ARHGEF12: variants seen among roughly 807,000 people sequenced by gnomAD.
ARHGEF12 encodes KMT2A/ARHGEF12 fusion protein.
In ARHGEF12, 66 loss-of-function variants were observed where a neutral mutation model predicts 211.2. The observed-to-expected ratio is 0.31, with a 90% CI of 0.26 to 0.38. ARHGEF12 has a LOEUF of 0.38. Among genes scored for constraint, ARHGEF12 ranks in the 10% least tolerant of loss-of-function variants. The probability of loss-of-function intolerance (pLI) is 1.00; values close to 1 mark genes in which losing one functional copy is unlikely to be tolerated. For missense variants in ARHGEF12, 1,429 were observed against 1,869.5 expected, an observed-to-expected ratio of 0.76 and a Z score of 4.34; for synonymous variants, 592 against 638.4, an observed-to-expected ratio of 0.93 and a Z score of 1.09.
intron 1 of ARHGEF12, among the ~76,000 whole-genome samples, chr11:120,343,482 C>T (rs759156191): frequency 6.6e-6 from 1 of 152,194 alleles, no homozygotes; most frequent in Non-Finnish European, 1.5e-5. Flanking sequence ...GCCTAAATTG[C>T]ATGAGTATAT....
At chr11:120,473,912 C>T (rs954551451) in intron 31 of ARHGEF12, among the ~76,000 whole-genome samples, 10 of 152,162 alleles carry the variant, frequency 6.6e-5, no homozygotes, top group African/African-American at 2.4e-4. Context: ...TACCATTTCA[C>T]TAGGTGGTGG....
intron 1 of ARHGEF12, among the ~76,000 whole-genome samples, chr11:120,358,798 A>G (rs1446900571): frequency 6.6e-6 from 1 of 152,202 alleles, no homozygotes; most frequent in Non-Finnish European, 1.5e-5. Flanking sequence ...ATCAACGCAT[A>G]GTTTACTAAG....
chr11:120,396,018 C>A (rs902815996), intron 1 of ARHGEF12, among the ~76,000 whole-genome samples: 1 of 152,052 alleles, frequency 6.6e-6, no homozygotes, highest in Admixed American at 6.6e-5. Context: ...AATAAAATAG[C>A]TCCTTGGAGA....
intron 1 of ARHGEF12, among the ~76,000 whole-genome samples, chr11:120,391,601 G>A (rs1944219108): frequency 6.6e-6 from 1 of 152,160 alleles, no homozygotes; most frequent in Non-Finnish European, 1.5e-5. Context: ...GTTAGAACAA[G>A]GCTGAAACAC....
At chr11:120,426,800 T>G (rs937448286) in intron 7 of ARHGEF12, among the ~76,000 whole-genome samples, 3 of 152,198 alleles carry the variant, frequency 2.0e-5, no homozygotes, top group Non-Finnish European at 4.4e-5. Flanking sequence ...CATTTAAAAG[T>G]TCTATTGAAA....
chr11:120,348,031 C>A (rs769390543), intron 1 of ARHGEF12, among the ~76,000 whole-genome samples: 7 of 152,152 alleles, frequency 4.6e-5, no homozygotes, highest in Non-Finnish European at 8.8e-5. Context: ...TGTACAGAGA[C>A]ACTTATATTA....
chr11:120,459,425 T>C, intron 26 of ARHGEF12, 105 bp downstream of exon 26: 1 of 1,187,064 alleles, frequency 8.4e-7, no homozygotes, highest in South Asian at 1.6e-5. Flanking sequence ...CCTGAGATTA[T>C]GTGTGAGAAT....
intron 27 of ARHGEF12, chr11:120,465,020 AAAG>A (rs199937161): frequency 0.021 from 11,475 of 559,106 alleles, 139 homozygotes; most frequent in Non-Finnish European, 0.026. Flanking sequence ...AAGAAAAAAA[AAAG>A]AAGAAGAAAA....
chr11:120,477,366 G>A lies in ARHGEF12; in HGVS notation c.3452+61G>A, dbSNP rs1947070237. On this transcript the variant is annotated intron_variant, in intron 35 of 40. Transcript: ENST00000397843. ...TATGTTTTGGGTTGGAAAAGACTAG[G>A]ATAATTATTATGTTTTGTTGCGATG... 4.8e-5 allele frequency: 77 copies of A among 1,599,960 alleles called. 3 individuals carry two copies. In the South Asian group the frequency reaches 8.3e-4, roughly 17 times the overall value.
At chr11:120,429,323 A>T in intron 8 of ARHGEF12, 117 bp from the exon 9 acceptor site, 4 of 713,750 alleles carry the variant, frequency 5.6e-6, no homozygotes, top group Non-Finnish European at 9.2e-6. Context: ...TAAAAACCTA[A>T]TAGGTATTGA....
intron 1 of ARHGEF12, among the ~76,000 whole-genome samples, chr11:120,378,625 G>A (rs959793017): frequency 6.6e-6 from 1 of 152,052 alleles, no homozygotes; most frequent in South Asian, 2.1e-4. Context: ...TTATGTTTAG[G>A]CCTATGATTC....
intron 1 of ARHGEF12, among the ~76,000 whole-genome samples, chr11:120,388,544 G>C (rs994904750): frequency 5.9e-5 from 9 of 152,190 alleles, no homozygotes; most frequent in African/African-American, 1.9e-4. Context: ...GAAATTGCCA[G>C]ACTGTTTTTC....
chr11:120,476,774 C>T (rs766679454), intron 34 of ARHGEF12, 26 bp downstream of exon 34: 1 of 1,520,304 alleles, frequency 6.6e-7, no homozygotes, highest in Non-Finnish European at 9.0e-7. Context: ...GGCTACCTTG[C>T]TATAGCTAAT....
At chr11:120,476,476 T>C (rs1298217186) in intron 33 of ARHGEF12, 185 bp from the exon 34 acceptor site, 5 of 439,262 alleles carry the variant, frequency 1.1e-5, no homozygotes. Flanking sequence ...ACAATAAATA[T>C]AGTACAATAA....
Position 120,486,302 on chromosome 11 carries a change from G to A in ARHGEF12, c.*1225G>A, listed in dbSNP as rs1200535429. 17 of 233,144 alleles carry A rather than the reference G, an allele frequency of 7.3e-5. 1 individual carries two copies. In the East Asian group the frequency reaches 9.7e-4, roughly 13 times the overall value. The allele number at this position is 233,144 out of a possible 1,614,324, so 14.4% of individuals were successfully genotyped here. On this transcript the variant is annotated 3_prime_UTR_variant, in exon 41 of 41. Transcript: ENST00000397843. ...TGGAGTGGAAAAAGATATGGTGAAG[G>A]CAGAACTGCTCACACCAGCTCCAGA...
intron 5 of ARHGEF12, among the ~76,000 whole-genome samples, chr11:120,421,155 A>G (rs1429090794): frequency 6.6e-6 from 1 of 152,228 alleles, no homozygotes; most frequent in Non-Finnish European, 1.5e-5. Context: ...CACCACTGAT[A>G]TTTTGGCAAA....
At chr11:120,373,048 T>G (rs529465763) in intron 1 of ARHGEF12, among the ~76,000 whole-genome samples, 3 of 152,160 alleles carry the variant, frequency 2.0e-5, no homozygotes, top group Non-Finnish European at 4.4e-5. Context: ...TAATTTTTTC[T>G]AAGTATAACA....
chr11:120,358,351 GTTGTGTCC>G (rs1943185636), intron 1 of ARHGEF12, among the ~76,000 whole-genome samples: 1 of 152,124 alleles, frequency 6.6e-6, no homozygotes, highest in Non-Finnish European at 1.5e-5. Flanking sequence ...GGCTTTCTGG[GTTGTGTCC>G]TTGGGTAGGG....
intron 3 of ARHGEF12, chr11:120,409,098 C>G (rs1399132808): frequency 2.9e-6 from 1 of 348,920 alleles, no homozygotes. Context: ...ATCATTATAG[C>G]TTTTAGTGCT....
Sources: allele counts gnomAD v4.1 joint callset (sites outside exome capture counted in the v4.1 genomes callset), GRCh38; gene constraint gnomAD v4.1.1; transcripts MANE v1.5; gene names NCBI Gene and HGNC (gene_info 2026-07-23, HGNC 2026-07-21).